Variants in HERC3 observed in about 807,000 individuals in gnomAD.
HERC3 encodes the protein probable E3 ubiquitin-protein ligase HERC3.
A neutral mutation model predicts 129.9 loss-of-function variants in HERC3; 58 were observed. The observed-to-expected ratio is 0.45, with a 90% CI of 0.36 to 0.56. The LOEUF is 0.56. Ranked by LOEUF, HERC3 falls within the 20% of genes least tolerant of loss-of-function variation. The pLI is 0.00. For missense variants in HERC3, 835 were observed against 1,244.2 expected (o/e 0.67, Z 4.95); for synonymous variants, 430 against 451.0 (o/e 0.95, Z 0.59).
At chr4:88,540,621 A>G in the HERC3 span, among the ~76,000 whole-genome samples, 1 of 152,228 alleles carries the variant, frequency 6.6e-6, no homozygotes, top group Admixed American at 6.5e-5. Flanking sequence ...CCTTGAGAAG[A>G]GCAACCCCAA....
chr4:88,637,192 G>A (rs1220717282), intron 3 of HERC3, among the ~76,000 whole-genome samples: 2 of 152,074 alleles, frequency 1.3e-5, no homozygotes, highest in African/African-American at 2.4e-5. Context: ...TTGGGAGACC[G>A]AGGCAAGTGG....
chr4:88,670,348 G>A (rs1184839637), intron 16 of HERC3, 96 bp downstream of exon 16: 9 of 787,630 alleles, frequency 1.1e-5, no homozygotes, highest in Admixed American at 2.4e-5. Context: ...ATGTCAGTGT[G>A]TCACCTATTC....
At chr4:88,676,102 T>C in intron 16 of HERC3, 116 bp from the exon 17 acceptor site, 1 of 736,610 alleles carries the variant, frequency 1.4e-6, no homozygotes, top group African/African-American at 1.8e-5. Flanking sequence ...TGGTGTTAGT[T>C]CTATGGCCAG....
Position 88,680,184 on chromosome 4 carries a change from A to G in HERC3, c.2288A>G (p.Tyr763Cys). 1.2e-6 allele frequency: 2 copies of G among 1,612,996 alleles called. No homozygotes were observed. The highest frequency in any genetic ancestry group is 1.7e-6 in the Non-Finnish European group (2 of 1,179,456). The change falls in exon 20 of 26, where the codon TAT becomes TGT. Residue 763 changes from tyrosine to cysteine, a missense_variant. By Grantham distance (194) the Tyr-to-Cys change is radical. Coordinates refer to ENST00000402738, the MANE Select transcript of HERC3 (RefSeq NM_014606.3). Reference protein sequence around the residue: ...LLLKELLNPIYGMFTYYQDSN... With the variant: ...LLLKELLNPICGMFTYYQDSN... The stretch of plus-strand genomic sequence containing the variant: ...TTAAAAGAACTTTTGAATCCCATCT[A>G]TGGAATGTTTACCTACTATCAAGAT...
chr4:88,619,563 G>A (rs945082486), intron 3 of HERC3, among the ~76,000 whole-genome samples: 6 of 152,170 alleles, frequency 3.9e-5, no homozygotes, highest in African/African-American at 1.4e-4. Flanking sequence ...GTTTACAACC[G>A]TGAGGGTTTC....
At chr4:88,652,412 A>G (rs76267494) in intron 5 of HERC3, among the ~76,000 whole-genome samples, 1 of 152,204 alleles carries the variant, frequency 6.6e-6, no homozygotes, top group African/African-American at 2.4e-5. Context: ...ACATTCCACT[A>G]TCAAGCTCCC....
intron 24 of HERC3, 113 bp downstream of exon 24, chr4:88,704,394 A>G (rs182268466): frequency 8.0e-7 from 1 of 1,252,964 alleles, no homozygotes; most frequent in Non-Finnish European, 1.2e-6. Flanking sequence ...AGTTAGATTT[A>G]GAGGTGTCCT....
intron 3 of HERC3, among the ~76,000 whole-genome samples, chr4:88,622,108 T>G (rs548679621): frequency 1.6e-3 from 246 of 152,356 alleles, no homozygotes; most frequent in Non-Finnish European, 2.9e-3. Flanking sequence ...TTTCATCTCT[T>G]CAAAAAGAAA....
chr4:88,541,591 C>A, the HERC3 span, among the ~76,000 whole-genome samples: 4 of 152,166 alleles, frequency 2.6e-5, no homozygotes, highest in Non-Finnish European at 5.9e-5. Context: ...AACAAGCAGG[C>A]CTAATAGACA....
At chr4:88,552,244 C>T in the HERC3 span, among the ~76,000 whole-genome samples, 1 of 151,836 alleles carries the variant, frequency 6.6e-6, no homozygotes. Context: ...TGTAACTAAC[C>T]TGCACATTGT....
At chr4:88,601,776 G>C (rs1166681602) in intron 2 of HERC3, among the ~76,000 whole-genome samples, 1 of 91,556 alleles carries the variant, frequency 1.1e-5, no homozygotes, top group Non-Finnish European at 1.7e-5. Flanking sequence ...ATATTCAGGG[G>C]CCGGGCGCGG....
chr4:88,707,102 T>G lies in HERC3; in HGVS notation c.*142T>G. ...TAAATACTGAGCCTGGTTGATGTGT[T>G]TCTGGGATTGTATAGCAGTAAACAA... On this transcript the variant is annotated 3_prime_UTR_variant, in exon 26 of 26. Coordinates refer to ENST00000402738, the MANE Select transcript of HERC3 (RefSeq NM_014606.3). 1.4e-6 allele frequency: 1 copy of G among 699,066 alleles called. No homozygotes were observed. The highest frequency in any genetic ancestry group is 2.7e-5 in the East Asian group (1 of 36,788). 43.3% of individuals were successfully genotyped at this position (699,066 alleles called of 1,614,324 possible).
At chr4:88,605,124 A>C (rs145215073) in intron 2 of HERC3, among the ~76,000 whole-genome samples, 9 of 152,352 alleles carry the variant, frequency 5.9e-5, no homozygotes, top group African/African-American at 2.2e-4. Flanking sequence ...AAAGATATAA[A>C]GAGAAAGCTA....
chr4:88,635,358 A>G (rs975093601), intron 3 of HERC3, among the ~76,000 whole-genome samples: 3 of 152,046 alleles, frequency 2.0e-5, no homozygotes, highest in African/African-American at 7.2e-5. Context: ...TGAAGCATAC[A>G]CAAGTATCAA....
At chr4:88,585,318 T>G in the HERC3 span, among the ~76,000 whole-genome samples, 1 of 152,212 alleles carries the variant, frequency 6.6e-6, no homozygotes, top group Non-Finnish European at 1.5e-5. Context: ...TCAAAGTACA[T>G]GTCCATCTTG....
intron 3 of HERC3, among the ~76,000 whole-genome samples, chr4:88,635,087 G>T (rs1483547441): frequency 6.6e-6 from 1 of 152,060 alleles, no homozygotes; most frequent in African/African-American, 2.4e-5. Context: ...AAAAGGCAGA[G>T]TGCCTCTTCT....
chr4:88,637,615 T>A (rs1727570790), intron 3 of HERC3, among the ~76,000 whole-genome samples: 1 of 152,182 alleles, frequency 6.6e-6, no homozygotes, highest in Non-Finnish European at 1.5e-5. Flanking sequence ...GAGGGAAATT[T>A]ATAGCACTAA....
chr4:88,692,904 G>T (rs988474951), intron 23 of HERC3: 11 of 985,264 alleles, frequency 1.1e-5, no homozygotes, highest in Middle Eastern at 5.2e-4. Context: ...GCCCTAGGAA[G>T]AAAAATGACT....
the HERC3 span, among the ~76,000 whole-genome samples, chr4:88,558,349 A>G: frequency 1.3e-5 from 2 of 152,190 alleles, no homozygotes; most frequent in South Asian, 4.1e-4. Context: ...TGTCTTTTGC[A>G]GCATCTTGGA....
Sources: gnomAD v4.1 joint callset for allele counts (sites outside exome capture counted in the v4.1 genomes callset) on GRCh38, gnomAD v4.1.1 for gene constraint, MANE v1.5 for transcripts, NCBI Gene and HGNC (gene_info 2026-07-23, HGNC 2026-07-21) for gene names.